The following DMXL1 variants were observed in gnomAD, a reference collection of about 807,000 sequenced individuals.
DMXL1 encodes Dmx like 1.
DMXL1 carries 99 observed loss-of-function variants against 319.2 expected under a neutral mutation model. The ratio of observed to expected loss-of-function variants is 0.31; its 90% CI spans 0.26 to 0.37. The LOEUF (loss-of-function observed/expected upper bound fraction) is 0.37. DMXL1 is among the 10% of genes least tolerant of loss of function. The probability of loss-of-function intolerance (pLI) is 1.00; values close to 1 mark genes in which losing one functional copy is unlikely to be tolerated. For synonymous variants in DMXL1, 1,385 were observed against 1,235.2 expected (o/e 1.12, Z -2.54); for missense variants, 3,745 against 3,595.6 (o/e 1.04, Z -1.06).
Position 119,178,016 on chromosome 5 carries a change from C to T in DMXL1, c.6907C>T (p.Leu2303Phe). ...QWPGITCLIR[L>F]LNSSGEEAQS... ...TCTAGGAATAACTTGTCTAATTCGA[C>T]TTTTGAATTCTTCTGGCGAGGAAGC... Residue 2303 changes from leucine (L) to phenylalanine (F), a missense_variant, in exon 28 of 44, where the codon CTT becomes TTT. This residue lies in a region of DMXL1 where 1,382 missense variants were observed against 1,269.5 expected (regional missense o/e 1.09). Transcript: ENST00000539542. 6.2e-7 allele frequency: 1 copy of T among 1,607,078 alleles called. No individual in the cohort carries two copies. The highest frequency in any genetic ancestry group is 1.3e-5 in the African/African-American group (1 of 74,948).
At chr5:119,151,430 CTT>C (rs1337152914) in intron 18 of DMXL1, among the ~76,000 whole-genome samples, 1 of 152,002 alleles carries the variant, frequency 6.6e-6, no homozygotes, top group African/African-American at 2.4e-5. Context: ...AATCTTGACA[CTT>C]TTAGAGATAT....
intron 5 of DMXL1, among the ~76,000 whole-genome samples, chr5:119,114,056 C>G (rs139878965): frequency 1.3e-5 from 2 of 152,158 alleles, no homozygotes; most frequent in Admixed American, 6.5e-5. Flanking sequence ...TGTTGCAAGT[C>G]CCCTGTTAAC....
intron 9 of DMXL1, 37 bp downstream of exon 9, chr5:119,121,176 G>A: frequency 6.7e-7 from 1 of 1,502,916 alleles, no homozygotes; most frequent in Non-Finnish European, 8.9e-7. Flanking sequence ...TTCTGAAATT[G>A]AATAGATTGA....
rs79489284 is a variant in DMXL1, at chr5:119,129,111, C to A, written c.1103-100C>A. 6,142 of 753,018 alleles carry A rather than the reference C, an allele frequency of 8.2e-3. 259 individuals carry two copies. The African/African-American group carries it at 0.095, about 12-fold the overall frequency. The allele number at this position is 753,018 out of a possible 1,614,324, so 46.6% of individuals were successfully genotyped here. The stretch of plus-strand genomic sequence containing the variant: ...AAAGTGAAAGAGAAGGACTTTCAGG[C>A]AAACAAAATATAAATGTAATAGTAA... On this transcript the variant is annotated intron_variant, in intron 9 of 43. Coordinates refer to ENST00000539542, the MANE Select transcript of DMXL1 (RefSeq NM_001290321.3).
In DMXL1 at chr5:119,149,704, A is replaced by G; in HGVS notation, c.3877A>G (p.Ile1293Val). ...ATCCATGACCAGTCTTGCACAGAAA[A>G]TCTGTGGAAAGAAAACTGCATTCGA... Reference protein sequence around the residue: ...TRSMTSLAQKICGKKTAFDPS... With the variant: ...TRSMTSLAQKVCGKKTAFDPS... The change falls in exon 18 of 44, where the codon ATC (isoleucine) becomes GTC (valine). Residue 1293 changes from isoleucine (I) to valine (V), a missense_variant. Ile to Val is a conservative substitution (Grantham distance 29). Around this residue, in one of 4 missense-constraint regions of DMXL1, gnomAD observed 2,096 missense variants for 1,985.4 expected, o/e 1.06. Coordinates refer to ENST00000539542, the MANE Select transcript of DMXL1 (RefSeq NM_001290321.3). 1 of 1,613,980 alleles carries G rather than the reference A, an allele frequency of 6.2e-7. No homozygotes were observed. Among genetic ancestry groups the G allele is most frequent in the African/African-American group, 1.3e-5 (1 of 75,018 alleles).
intron 18 of DMXL1, 57 bp downstream of exon 18, chr5:119,150,478 T>C: frequency 1.3e-6 from 2 of 1,501,540 alleles, no homozygotes; most frequent in South Asian, 1.4e-5. Flanking sequence ...AAAATAATTT[T>C]AAATAATTTT....
chr5:119,137,701 T>C (rs748208994), intron 13 of DMXL1, among the ~76,000 whole-genome samples: 1 of 152,204 alleles, frequency 6.6e-6, no homozygotes, highest in Non-Finnish European at 1.5e-5. Flanking sequence ...TCCTGCCACC[T>C]TGTGAAGAAG....
chr5:119,100,296 C>A (rs1392430113), intron 2 of DMXL1, among the ~76,000 whole-genome samples: 2 of 151,478 alleles, frequency 1.3e-5, no homozygotes, highest in Non-Finnish European at 2.9e-5. Flanking sequence ...ATTAGCTGGG[C>A]GTGGTGGCGG....
Position 119,177,370 on chromosome 5 carries a change from A to T in DMXL1, c.6772A>T (p.Asn2258Tyr). 1 of 1,554,710 alleles carries T rather than the reference A, an allele frequency of 6.4e-7. No homozygotes were observed. The highest frequency in any genetic ancestry group is 8.7e-7 in the Non-Finnish European group (1 of 1,152,868). ...GSHNYSSFQT[N>Y]QFTGMVYQTV... Reference sequence around the variant, plus strand: ...TTTTTCTCTTAGTTCATTTCAGACGAATCAGTTTACTGGAATGGTATATCA... The same window carrying T: ...TTTTTCTCTTAGTTCATTTCAGACGTATCAGTTTACTGGAATGGTATATCA... Residue 2258 changes from asparagine (N) to tyrosine (Y), a missense_variant, in exon 27 of 44, where the codon AAT becomes TAT. Coordinates refer to ENST00000539542, the MANE Select transcript of DMXL1 (RefSeq NM_001290321.3).
At chr5:119,152,719 A>G (rs894480815) in intron 19 of DMXL1, among the ~76,000 whole-genome samples, 2 of 152,238 alleles carry the variant, frequency 1.3e-5, no homozygotes, top group African/African-American at 4.8e-5. Context: ...TCACTTAAAC[A>G]AAACAGCATG....
intron 37 of DMXL1, 150 bp downstream of exon 37, chr5:119,221,231 G>A: frequency 1.8e-6 from 1 of 552,692 alleles, no homozygotes; most frequent in Non-Finnish European, 3.1e-6. Context: ...TGATAATGAA[G>A]ACTAGTATGT....
At chr5:119,118,746 ACAT>A (rs371066411) in intron 7 of DMXL1, 66 bp from the exon 8 acceptor site, 364 of 1,225,486 alleles carry the variant, frequency 3.0e-4, no homozygotes, top group African/African-American at 2.4e-3. Context: ...AATTACAGAA[ACAT>A]CGTAGAATTT....
intron 41 of DMXL1, among the ~76,000 whole-genome samples, chr5:119,240,176 G>C (rs1420178295): frequency 6.6e-6 from 1 of 152,112 alleles, no homozygotes; most frequent in Non-Finnish European, 1.5e-5. Flanking sequence ...GGGACATTGA[G>C]GTGGGAAGAT....
intron 35 of DMXL1, among the ~76,000 whole-genome samples, chr5:119,219,875 A>G (rs906122822): frequency 1.3e-5 from 2 of 152,098 alleles, no homozygotes; most frequent in Admixed American, 6.5e-5. Flanking sequence ...GCCAAGATGT[A>G]CATTTTTGAT....
At chr5:119,073,594 A>G (rs1409509440) in intron 1 of DMXL1, among the ~76,000 whole-genome samples, 1 of 152,150 alleles carries the variant, frequency 6.6e-6, no homozygotes, top group Non-Finnish European at 1.5e-5. Flanking sequence ...CTGAATTTTA[A>G]AGTTCATTTC....
intron 19 of DMXL1, among the ~76,000 whole-genome samples, chr5:119,157,114 A>G (rs1320311620): frequency 6.6e-6 from 1 of 151,980 alleles, no homozygotes; most frequent in Non-Finnish European, 1.5e-5. Context: ...AGCCTCTCAA[A>G]TAGCTGGGTC....
intron 1 of DMXL1, among the ~76,000 whole-genome samples, chr5:119,088,248 C>T (rs765187822): frequency 1.4e-4 from 21 of 152,146 alleles, no homozygotes; most frequent in Admixed American, 9.8e-4. Context: ...CGTATTTTAT[C>T]TGATGTAAGT....
intron 25 of DMXL1, among the ~76,000 whole-genome samples, chr5:119,174,645 C>G (rs1775427336): frequency 6.6e-6 from 1 of 152,198 alleles, no homozygotes; most frequent in Admixed American, 6.5e-5. Context: ...GCTTTCTTAC[C>G]TAGCTGAAGT....
At chr5:119,150,443 A>T in intron 18 of DMXL1, 22 bp downstream of exon 18, 1 of 1,559,488 alleles carries the variant, frequency 6.4e-7, no homozygotes, top group Non-Finnish European at 8.6e-7. Context: ...CTCCGTACTG[A>T]TAACATTTTT....
Sources: gnomAD v4.1 joint callset for allele counts (sites outside exome capture counted in the v4.1 genomes callset) on GRCh38, gnomAD v4.1.1 for gene constraint, gnomAD v4.1.1 regional missense constraint, MANE v1.5 for transcripts, NCBI Gene and HGNC (gene_info 2026-07-23, HGNC 2026-07-21) for gene names.